The following SPOCK1 variants were observed in gnomAD, a reference collection of about 807,000 sequenced individuals.
The protein encoded by SPOCK1 is SPARC (osteonectin), cwcv and kazal like domains proteoglycan 1.
In SPOCK1, 23 loss-of-function variants were observed where a neutral mutation model predicts 55.3. The ratio of observed to expected loss-of-function variants is 0.42; its 90% CI spans 0.30 to 0.59. The LOEUF (loss-of-function observed/expected upper bound fraction) is 0.59, where lower values mean the gene tolerates loss of function less well. Among genes scored for constraint, SPOCK1 ranks in the 20% least tolerant of loss-of-function variants. SPOCK1 has a pLI of 0.22. For missense variants in SPOCK1, 499 were observed against 552.5 expected, an observed-to-expected ratio of 0.90 and a Z score of 0.97; for synonymous variants, 226 against 221.0, an observed-to-expected ratio of 1.02 and a Z score of -0.20.
At chr5:136,997,222 G>T (rs1751060000) in intron 6 of SPOCK1, among the ~76,000 whole-genome samples, 1 of 152,142 alleles carries the variant, frequency 6.6e-6, no homozygotes, top group Non-Finnish European at 1.5e-5. Context: ...GTCAGAAAAT[G>T]GTACCAGCAA....
At chr5:137,404,285 C>A (rs886683590) in intron 2 of SPOCK1, among the ~76,000 whole-genome samples, 2 of 152,204 alleles carry the variant, frequency 1.3e-5, no homozygotes, top group South Asian at 4.1e-4. Context: ...CAAAAGGGAT[C>A]ATGGGCTGGT....
chr5:137,184,495 A>C (rs986093331), intron 3 of SPOCK1, among the ~76,000 whole-genome samples: 7 of 152,310 alleles, frequency 4.6e-5, no homozygotes, highest in Admixed American at 1.3e-4. Flanking sequence ...GGGAGAAGGT[A>C]AAGACCACCC....
chr5:137,151,269 AG>A (rs1754314416), intron 3 of SPOCK1, among the ~76,000 whole-genome samples: 1 of 152,182 alleles, frequency 6.6e-6, no homozygotes, highest in African/African-American at 2.4e-5. Flanking sequence ...CTGGAATTAC[AG>A]GCTTGAGCCA....
At chr5:137,032,882 G>A (rs1172901196) in intron 6 of SPOCK1, among the ~76,000 whole-genome samples, 3 of 151,906 alleles carry the variant, frequency 2.0e-5, no homozygotes, top group African/African-American at 7.2e-5. Context: ...CAGAGAAGGA[G>A]GGGGCAACAG....
At chr5:137,280,593 C>T (rs1561492089) in intron 2 of SPOCK1, among the ~76,000 whole-genome samples, 1 of 152,170 alleles carries the variant, frequency 6.6e-6, no homozygotes, top group Non-Finnish European at 1.5e-5. Flanking sequence ...CTTTAAAAAT[C>T]CCTTTCCTGT....
intron 2 of SPOCK1, among the ~76,000 whole-genome samples, chr5:137,477,857 G>T (rs959497694): frequency 6.6e-6 from 1 of 152,188 alleles, no homozygotes; most frequent in Non-Finnish European, 1.5e-5. Flanking sequence ...AAAGAGGGAC[G>T]CTTGGCTTCA....
intron 3 of SPOCK1, among the ~76,000 whole-genome samples, chr5:137,151,396 G>A (rs1754316619): frequency 6.6e-6 from 1 of 152,256 alleles, no homozygotes. Flanking sequence ...GTCTCACAGT[G>A]GATTCTGCCC....
chr5:137,479,803 T>C (rs1222744169), intron 2 of SPOCK1, among the ~76,000 whole-genome samples: 2 of 152,166 alleles, frequency 1.3e-5, no homozygotes, highest in Non-Finnish European at 2.9e-5. Context: ...GAGTTATTGG[T>C]TACCACAGCA....
At chr5:137,273,072 T>C (rs1297940661) in intron 2 of SPOCK1, among the ~76,000 whole-genome samples, 1 of 152,140 alleles carries the variant, frequency 6.6e-6, no homozygotes, top group Non-Finnish European at 1.5e-5. Context: ...ATTCAGAAAA[T>C]AACAATGTCA....
At chr5:136,992,244 A>C (rs1750962258) in intron 7 of SPOCK1, among the ~76,000 whole-genome samples, 1 of 152,198 alleles carries the variant, frequency 6.6e-6, no homozygotes, top group Non-Finnish European at 1.5e-5. Flanking sequence ...ATGACACCAG[A>C]AAAAACCTTA....
At chr5:137,064,724 G>C (rs1378018993) in intron 6 of SPOCK1, among the ~76,000 whole-genome samples, 1 of 152,192 alleles carries the variant, frequency 6.6e-6, no homozygotes, top group African/African-American at 2.4e-5. Flanking sequence ...CCTCAGGTCA[G>C]CCCTGTTGCC....
intron 2 of SPOCK1, among the ~76,000 whole-genome samples, chr5:137,352,581 G>A (rs1358779369): frequency 8.5e-5 from 13 of 152,096 alleles, no homozygotes; most frequent in Admixed American, 3.9e-4. Context: ...GGCACAGCTC[G>A]TATAACAGCT....
chr5:137,311,544 G>T (rs561063659), intron 2 of SPOCK1, among the ~76,000 whole-genome samples: 1 of 152,168 alleles, frequency 6.6e-6, no homozygotes, highest in Admixed American at 6.5e-5. Context: ...CATAAGTAAT[G>T]TGTCCAACAT....
At chr5:137,371,388 C>T (rs1751199370) in intron 2 of SPOCK1, among the ~76,000 whole-genome samples, 1 of 152,326 alleles carries the variant, frequency 6.6e-6, no homozygotes, top group Middle Eastern at 3.4e-3. Flanking sequence ...ATATGGTAAG[C>T]ACTTCCCAAA....
intron 6 of SPOCK1, among the ~76,000 whole-genome samples, chr5:137,019,630 G>A (rs1203286910): frequency 1.3e-5 from 2 of 151,970 alleles, no homozygotes; most frequent in Non-Finnish European, 2.9e-5. Flanking sequence ...TATTTGCCAA[G>A]ATTTTACTTA....
chr5:137,032,866 A>C (rs1217788799), intron 6 of SPOCK1, among the ~76,000 whole-genome samples: 1 of 152,166 alleles, frequency 6.6e-6, no homozygotes, highest in Non-Finnish European at 1.5e-5. Context: ...CTGAGGATGG[A>C]ACAGGCAGAG....
At chr5:137,032,713 G>C (rs1751804876) in intron 6 of SPOCK1, among the ~76,000 whole-genome samples, 2 of 152,296 alleles carry the variant, frequency 1.3e-5, no homozygotes, top group South Asian at 4.1e-4. Flanking sequence ...AGAGAAAGTA[G>C]CTGAGGATTT....
chr5:137,456,873 C>A (rs1227002624), intron 2 of SPOCK1, among the ~76,000 whole-genome samples: 1 of 152,170 alleles, frequency 6.6e-6, no homozygotes, highest in Admixed American at 6.5e-5. Context: ...GATAGCTTGA[C>A]ACCTACAGAA....
intron 2 of SPOCK1, among the ~76,000 whole-genome samples, chr5:137,352,940 A>G (rs920763219): frequency 3.3e-5 from 5 of 152,208 alleles, no homozygotes; most frequent in African/African-American, 4.8e-5. Flanking sequence ...ATTATTTTCT[A>G]TATTTCCAAA....
Sources: gnomAD v4.1 joint callset for allele counts (sites outside exome capture counted in the v4.1 genomes callset) on GRCh38, gnomAD v4.1.1 for gene constraint, MANE v1.5 for transcripts, NCBI Gene and HGNC (gene_info 2026-07-23, HGNC 2026-07-21) for gene names.